CFAP206: variants seen among roughly 807,000 people sequenced by gnomAD.
CFAP206 encodes the protein cilia and flagella associated protein 206.
Under a neutral mutation model 65.4 loss-of-function variants are expected in CFAP206, and 53 were observed. The ratio of observed to expected loss-of-function variants is 0.81; its 90% CI spans 0.65 to 1.02. CFAP206 has a LOEUF of 1.02. CFAP206 is among the 50% of genes least tolerant of loss of function. The probability of loss-of-function intolerance (pLI) is 0.00; values close to 1 mark genes in which losing one functional copy is unlikely to be tolerated. For missense variants in CFAP206, 663 were observed against 753.2 expected (o/e 0.88, Z 1.40); for synonymous variants, 250 against 254.4 (o/e 0.98, Z 0.17).
intron 11 of CFAP206, among the ~76,000 whole-genome samples, chr6:87,444,217 G>T (rs150986125): frequency 1.3e-3 from 195 of 152,240 alleles, no homozygotes; most frequent in Non-Finnish European, 2.5e-3. Context: ...TACGCTAATG[G>T]CAAACCACTG....
rs1042920035 is a variant in CFAP206, at chr6:87,461,045, T to C, written c.1518T>C (p.Tyr506=). Residue 506 remains tyrosine, a synonymous_variant, in exon 12 of 13, where the codon TAT becomes TAC. Coordinates refer to ENST00000369562, the MANE Select transcript of CFAP206 (RefSeq NM_001031743.3). ...AGATGAGAGATGCTGACAAACATTA[T>C]ATAAAACCAATTACAAAATGTGAAA... ...YSQMRDADKH[Y]IKPITKCESS... is the part of the protein sequence containing the mutation. 41 of 1,584,586 alleles carry C rather than the reference T, an allele frequency of 2.6e-5. No homozygotes were observed. Among genetic ancestry groups the C allele is most frequent in the Non-Finnish European group, 3.5e-5 (41 of 1,170,352 alleles).
At chr6:87,454,340 C>A (rs1768599222) in intron 11 of CFAP206, among the ~76,000 whole-genome samples, 1 of 152,120 alleles carries the variant, frequency 6.6e-6, no homozygotes, top group African/African-American at 2.4e-5. Flanking sequence ...GGACAGAAAA[C>A]CAGCAAAGAA....
At chr6:87,410,536 C>A (rs1767716991) in intron 2 of CFAP206, 49 bp from the exon 3 acceptor site, 1 of 1,304,716 alleles carries the variant, frequency 7.7e-7, no homozygotes, top group Admixed American at 1.7e-5. Flanking sequence ...AATAAAATTG[C>A]TTAATGGATT....
At chr6:87,451,435 T>C (rs1582150310) in intron 11 of CFAP206, among the ~76,000 whole-genome samples, 2 of 152,106 alleles carry the variant, frequency 1.3e-5, no homozygotes, top group African/African-American at 4.8e-5. Flanking sequence ...AGGGAACCCA[T>C]TGCCCTGAAG....
chr6:87,408,240 G>A (rs953793120), intron 1 of CFAP206, among the ~76,000 whole-genome samples, 151 bp downstream of exon 1: 5 of 152,224 alleles, frequency 3.3e-5, no homozygotes, highest in Non-Finnish European at 5.9e-5. Flanking sequence ...AGGCTGCGCC[G>A]CCGCAGAGCT....
At position 87,426,653 on chromosome 6, in the gene CFAP206, T is replaced by C. The variant is rs1334782924; in HGVS notation, c.960+8T>C. 2 of 1,566,624 alleles carry C rather than the reference T, an allele frequency of 1.3e-6. No individual in the cohort carries two copies. The highest frequency in any genetic ancestry group is 4.6e-5 in the East Asian group (2 of 43,336). Reference sequence around the variant, plus strand: ...CCAACATCACAAGTCTTTGTAAGTATTTGTCATAAACTTTGACCTTAAGGT... The same window carrying C: ...CCAACATCACAAGTCTTTGTAAGTACTTGTCATAAACTTTGACCTTAAGGT... On this transcript the variant is annotated splice_region_variant and intron_variant, in intron 8 of 12. Coordinates refer to ENST00000369562, the MANE Select transcript of CFAP206 (RefSeq NM_001031743.3).
chr6:87,447,237 T>G (rs1388152299), intron 11 of CFAP206, among the ~76,000 whole-genome samples: 4 of 151,932 alleles, frequency 2.6e-5, no homozygotes, highest in Non-Finnish European at 5.9e-5. Context: ...TGAATAGGAG[T>G]GGTGAGAGAG....
rs1200076257 is a variant in CFAP206 at position 87,445,343 on chromosome 6, T to TC, written c.1494+10292dup. On this transcript the variant is annotated intron_variant, in intron 11 of 12. Transcript: ENST00000369562. ...AAGCCCAGCATGCATTAGCTATTTTTCCTGATGCTCTCCTTCTCCTTGCCC... is the reference window on the plus strand; with the variant it reads ...AAGCCCAGCATGCATTAGCTATTTTTCCCTGATGCTCTCCTTCTCCTTGCCC... Among the ~76,000 whole-genome samples, 3 of 152,174 alleles carry TC rather than the reference T, an allele frequency of 2.0e-5. No individual in the cohort carries two copies. The East Asian group carries it at 5.8e-4, about 29-fold the overall frequency.
At chr6:87,423,846 G>A (rs2127950123) in intron 7 of CFAP206, among the ~76,000 whole-genome samples, 1 of 151,876 alleles carries the variant, frequency 6.6e-6, no homozygotes. Context: ...AAATTAAACA[G>A]GATACACGTT....
intron 7 of CFAP206, among the ~76,000 whole-genome samples, chr6:87,424,365 C>T (rs1213919243): frequency 2.6e-5 from 4 of 152,042 alleles, no homozygotes; most frequent in African/African-American, 4.8e-5. Flanking sequence ...CTGCAACCTC[C>T]GCCTCCCGAG....
Position 87,415,728 on chromosome 6 carries a change from T to C in CFAP206, c.326T>C (p.Leu109Ser), listed in dbSNP as rs749084504. ...EEHHRVLESR[L>S]GSVTREITDN... ...CATCACCGGGTCCTAGAGTCTAGATTAGGCTCTGTTACCCGAGAAATTACA... is the reference window on the plus strand; with the variant it reads ...CATCACCGGGTCCTAGAGTCTAGATCAGGCTCTGTTACCCGAGAAATTACA... Residue 109 changes from leucine to serine, a missense_variant, in exon 5 of 13, where the codon TTA (leucine) becomes TCA (serine). Leu to Ser is a moderately radical substitution (Grantham distance 145). Coordinates refer to ENST00000369562, the MANE Select transcript of CFAP206 (RefSeq NM_001031743.3). 4.3e-6 allele frequency: 7 copies of C among 1,612,232 alleles called. No individual in the cohort carries two copies. The highest frequency in any genetic ancestry group is 5.9e-6 in the Non-Finnish European group (7 of 1,179,288).
At chr6:87,441,086 A>G in intron 11 of CFAP206, 1 of 155,778 alleles carries the variant, frequency 6.4e-6, no homozygotes, top group Non-Finnish European at 1.4e-5. Context: ...TGGTTACAGA[A>G]AGCATGGCCC....
rs756631037 is a variant in CFAP206 at position 87,408,029 on chromosome 6, G to T, written c.-66G>T. Reference sequence around the variant, plus strand: ...CGAGCGCCCAACTGCTCCGACCGTCGCGGTGAGGGCCCCAGGACAGAAGCA... The same window carrying T: ...CGAGCGCCCAACTGCTCCGACCGTCTCGGTGAGGGCCCCAGGACAGAAGCA... On this transcript the variant is annotated 5_prime_UTR_variant, in exon 1 of 13. Transcript: ENST00000369562. 8.7e-4 allele frequency: 862 copies of T among 985,512 alleles called. 1 individual carries two copies. Among genetic ancestry groups the T allele is most frequent in the Non-Finnish European group, 1.0e-3 (835 of 830,050 alleles). 61.0% of individuals were successfully genotyped at this position (985,512 alleles called of 1,614,324 possible).
chr6:87,457,114 C>T (rs548956339), intron 11 of CFAP206, among the ~76,000 whole-genome samples: 89 of 141,566 alleles, frequency 6.3e-4, no homozygotes, highest in African/African-American at 2.3e-3. Flanking sequence ...TGTGCCACTG[C>T]ACTCCAGCCT....
chr6:87,428,506 A>G (rs1768092852), intron 8 of CFAP206, 120 bp from the exon 9 acceptor site: 6 of 864,180 alleles, frequency 6.9e-6, no homozygotes, highest in Non-Finnish European at 1.1e-5. Context: ...AGTTCGTAAG[A>G]CTTTTGCTTA....
Position 87,415,741 on chromosome 6 carries a change from C to T in CFAP206, c.339C>T (p.Thr113=), listed in dbSNP as rs1767817095. ...RVLESRLGSV[T]REITDNRACA... The stretch of plus-strand genomic sequence containing the variant: ...TAGAGTCTAGATTAGGCTCTGTTAC[C>T]CGAGAAATTACAGATAACAGAGCAT... Residue 113 remains threonine (T), a synonymous_variant, in exon 5 of 13, where the codon ACC becomes ACT. Transcript: ENST00000369562. The T allele has an allele frequency of 6.2e-7, 1 of 1,611,950 alleles. No homozygotes were observed. The highest frequency in any genetic ancestry group is 2.2e-5 in the East Asian group (1 of 44,816).
intron 11 of CFAP206, among the ~76,000 whole-genome samples, chr6:87,454,859 AC>A (rs1378821545): frequency 1.4e-4 from 20 of 147,622 alleles, no homozygotes; most frequent in Middle Eastern, 3.4e-3. Context: ...AAAAAAAAAA[AC>A]AAAACAAAAC....
intron 11 of CFAP206, among the ~76,000 whole-genome samples, chr6:87,454,607 A>C (rs1768603044): frequency 6.6e-6 from 1 of 152,010 alleles, no homozygotes; most frequent in African/African-American, 2.4e-5. Flanking sequence ...GCACTTTGGG[A>C]GGCCGAGGCA....
chr6:87,412,330 C>A (rs978324522), intron 3 of CFAP206, among the ~76,000 whole-genome samples: 2 of 152,174 alleles, frequency 1.3e-5, no homozygotes, highest in Admixed American at 1.3e-4. Flanking sequence ...TCCCCTCCCT[C>A]CTCCCAGGAA....
Sources: gnomAD v4.1 joint callset for allele counts (sites outside exome capture counted in the v4.1 genomes callset) on GRCh38, gnomAD v4.1.1 for gene constraint, MANE v1.5 for transcripts, NCBI Gene and HGNC (gene_info 2026-07-23, HGNC 2026-07-21) for gene names.